The following PTK7 variants were observed in gnomAD, a reference collection of about 807,000 sequenced individuals.
The protein encoded by PTK7 is inactive tyrosine-protein kinase 7.
A neutral mutation model predicts 116.6 loss-of-function variants in PTK7; 39 were observed. The observed-to-expected ratio is 0.33, with a 90% CI of 0.26 to 0.44. PTK7 has a LOEUF of 0.44. Ranked by LOEUF, PTK7 falls within the 20% of genes least tolerant of loss-of-function variation. The pLI, the probability that PTK7 is intolerant of heterozygous loss-of-function variation, is 1.00. For missense variants in PTK7, 1,169 were observed against 1,425.6 expected (o/e 0.82, Z 2.90); for synonymous variants, 546 against 563.6 (o/e 0.97, Z 0.44).
At chr6:43,109,874 A>G (rs1453602281) in intron 1 of PTK7, among the ~76,000 whole-genome samples, 2 of 151,324 alleles carry the variant, frequency 1.3e-5, no homozygotes, top group African/African-American at 2.4e-5. Flanking sequence ...AATTTTTTGT[A>G]TTATTAGTAG....
At chr6:43,077,770 T>C (rs1259686579) in intron 1 of PTK7, among the ~76,000 whole-genome samples, 1 of 152,222 alleles carries the variant, frequency 6.6e-6, no homozygotes, top group East Asian at 1.9e-4. Flanking sequence ...TTCTAATATC[T>C]TTCTGGCCTG....
chr6:43,130,362 C>T lies in PTK7; in HGVS notation c.603C>T (p.Cys201=), dbSNP rs773572126. The T allele has an allele frequency of 1.9e-5, 31 of 1,611,626 alleles. No individual in the cohort carries two copies. The highest frequency in any genetic ancestry group is 3.3e-4 in the Middle Eastern group (2 of 6,080). Residue 201 remains cysteine (C), a synonymous_variant, in exon 4 of 20, where the codon TGC becomes TGT. Transcript: ENST00000230419. ...GPEHSGLYSC[C]AHSAFGQACS... ...AGCATAGTGGGCTGTATTCCTGCTG[C>T]GCCCACAGTGCTTTTGGCCAGGCTT...
At chr6:43,086,970 C>T in intron 1 of PTK7, among the ~76,000 whole-genome samples, 1 of 152,256 alleles carries the variant, frequency 6.6e-6, no homozygotes, top group East Asian at 1.9e-4. Context: ...ACAACCTGTA[C>T]AGTCAAAGGT....
At chr6:43,130,199 C>T (rs773715184) in intron 3 of PTK7, 31 bp from the exon 4 acceptor site, 2 of 1,540,520 alleles carry the variant, frequency 1.3e-6, no homozygotes, top group Non-Finnish European at 1.8e-6. Flanking sequence ...AGTACCCCTC[C>T]CCACCACTGC....
chr6:43,123,072 G>A (rs1373198926), intron 1 of PTK7, among the ~76,000 whole-genome samples: 1 of 152,110 alleles, frequency 6.6e-6, no homozygotes, highest in Non-Finnish European at 1.5e-5. Flanking sequence ...CTTCTGGGCC[G>A]GTAGCATCAA....
rs558270215 is a variant in PTK7, at chr6:43,117,630, C to T, written c.80-11347C>T. On this transcript the variant is annotated intron_variant, in intron 1 of 19. Transcript: ENST00000230419. ...AGAGTTCTCTGGATCAGAAATGTGT[C>T]CTCTAGGTCGGGCGCGGTGGTTCAC... Among the ~76,000 whole-genome samples, 4 of 152,226 alleles carry T rather than the reference C, an allele frequency of 2.6e-5. No individual in the cohort carries two copies. In the South Asian group the frequency reaches 8.3e-4, roughly 32 times the overall value.
At position 43,139,313 on chromosome 6, in the gene PTK7, C is replaced by T; in HGVS notation, c.1498+42C>T. On this transcript the variant is annotated intron_variant, in intron 9 of 19. Coordinates refer to ENST00000230419, the MANE Select transcript of PTK7 (RefSeq NM_002821.5). This position sits in a 1 kb window ranked among gnomAD's most constrained non-coding sequence, Gnocchi z 4.6. ...TGGGGGAGCACCCTTCCTGGCTAGG[C>T]AGGAGAGGAAAGGGGAGGGAGCAGC... is the stretch of plus-strand genomic sequence containing the variant. The T allele has an allele frequency of 6.2e-7, 1 of 1,614,168 alleles. No individual in the cohort carries two copies. The highest frequency in any genetic ancestry group is 8.5e-7 in the Non-Finnish European group (1 of 1,179,982).
chr6:43,116,651 T>TGTGTGTGCGCGCGCGCGC (rs1323606377), intron 1 of PTK7, among the ~76,000 whole-genome samples: 3 of 77,214 alleles, frequency 3.9e-5, no homozygotes, highest in African/African-American at 1.9e-4. Flanking sequence ...TGTGTGTGTG[T>TGTGTGTGCGCGCGCGCGC]GCGCGCGCAC....
At chr6:43,124,979 C>A (rs1769202214) in intron 1 of PTK7, among the ~76,000 whole-genome samples, 1 of 152,136 alleles carries the variant, frequency 6.6e-6, no homozygotes, top group South Asian at 2.1e-4. Flanking sequence ...TCGAGACCAG[C>A]CTGACCAACA....
At chr6:43,126,534 G>T (rs1205774731) in intron 1 of PTK7, among the ~76,000 whole-genome samples, 1 of 152,206 alleles carries the variant, frequency 6.6e-6, no homozygotes, top group African/African-American at 2.4e-5. Flanking sequence ...CAAGAGGTGT[G>T]TCCACACACT....
rs776260365 is a variant in PTK7, at chr6:43,129,273, CA to C, written c.367+10del. The stretch of plus-strand genomic sequence containing the variant: ...CTCCTTCAACATCAAATGTGAGAGC[CA>C]GGGGGGCTGTGCCCAGTCCCCCTGT... On this transcript the variant is annotated intron_variant, in intron 2 of 19. Coordinates refer to ENST00000230419, the MANE Select transcript of PTK7 (RefSeq NM_002821.5). This position sits in a 1 kb window ranked among gnomAD's most constrained non-coding sequence, Gnocchi z 4.5. 4 of 1,613,756 alleles carry C rather than the reference CA, an allele frequency of 2.5e-6. No individual in the cohort carries two copies. Among genetic ancestry groups the C allele is most frequent in the African/African-American group, 2.7e-5 (2 of 74,930 alleles).
chr6:43,108,826 A>G (rs1320459494), intron 1 of PTK7, among the ~76,000 whole-genome samples: 1 of 152,238 alleles, frequency 6.6e-6, no homozygotes. Context: ...ATGAGAAGCC[A>G]TCACTAATCA....
intron 7 of PTK7, chr6:43,133,030 T>A: frequency 2.2e-6 from 1 of 447,910 alleles, no homozygotes; most frequent in Non-Finnish European, 3.9e-6. Flanking sequence ...TGGGGTTCAG[T>A]CTCCTCATCC....
At chr6:43,090,475 C>T (rs1438951037) in intron 1 of PTK7, among the ~76,000 whole-genome samples, 2 of 152,100 alleles carry the variant, frequency 1.3e-5, no homozygotes, top group African/African-American at 2.4e-5. Flanking sequence ...TGTTTAAGGG[C>T]GTTTATGATG....
rs183704866 is a variant in PTK7 at position 43,128,614 on chromosome 6, G to A, written c.80-363G>A. Reference sequence around the variant, plus strand: ...AGCCTGGCCAACATGGCGAAACCCTGTCTCTACTAAAAATACAAAAATTAG... The same window carrying A: ...AGCCTGGCCAACATGGCGAAACCCTATCTCTACTAAAAATACAAAAATTAG... On this transcript the variant is annotated intron_variant, in intron 1 of 19. Transcript: ENST00000230419. Among the ~76,000 whole-genome samples the A allele has an allele frequency of 4.7e-3, 710 of 152,178 alleles. 5 individuals carry two copies. Among genetic ancestry groups the A allele is most frequent in the African/African-American group, 0.016 (683 of 41,536 alleles).
At chr6:43,155,072 G>A (rs902458727) in intron 17 of PTK7, among the ~76,000 whole-genome samples, 1 of 152,212 alleles carries the variant, frequency 6.6e-6, no homozygotes, top group Non-Finnish European at 1.5e-5. Context: ...CTGTGAATGG[G>A]TGGTTTCTTA....
At chr6:43,140,275 A>G (rs1770316395) in intron 10 of PTK7, among the ~76,000 whole-genome samples, 1 of 151,998 alleles carries the variant, frequency 6.6e-6, no homozygotes, top group South Asian at 2.1e-4. Flanking sequence ...AGAGTAGTGA[A>G]ACCTCGTCTC....
At chr6:43,102,046 G>A (rs900577619) in intron 1 of PTK7, among the ~76,000 whole-genome samples, 17 of 151,040 alleles carry the variant, frequency 1.1e-4, no homozygotes, top group African/African-American at 3.7e-4. Context: ...AAAAAATACA[G>A]AGTGCCACTT....
At chr6:43,151,212 T>C (rs1771056152) in intron 17 of PTK7, among the ~76,000 whole-genome samples, 1 of 43,870 alleles carries the variant, frequency 2.3e-5, no homozygotes, top group African/African-American at 1.3e-4. Flanking sequence ...ACCTGCCTTC[T>C]TTTTTTTTTT....
Sources: allele counts gnomAD v4.1 joint callset (sites outside exome capture counted in the v4.1 genomes callset), GRCh38; gene constraint gnomAD v4.1.1; non-coding constraint Gnocchi (gnomAD v3.1); transcripts MANE v1.5; gene names NCBI Gene and HGNC (gene_info 2026-07-23, HGNC 2026-07-21).